Variants in SPTBN1 observed in about 807,000 individuals in gnomAD.
SPTBN1 encodes the protein spectrin beta, non-erythrocytic 1.
A neutral mutation model predicts 266.4 loss-of-function variants in SPTBN1; 32 were observed. The observed-to-expected ratio is 0.12, with a 90% CI of 0.09 to 0.16. The LOEUF is 0.16. SPTBN1 is among the 10% of genes least tolerant of loss of function. SPTBN1 has a pLI of 1.00. For synonymous variants in SPTBN1, 1,336 were observed against 1,162.2 expected, an observed-to-expected ratio of 1.15 and a Z score of -3.04; for missense variants, 2,296 against 3,067.1, an observed-to-expected ratio of 0.75 and a Z score of 5.94.
intron 1 of SPTBN1, among the ~76,000 whole-genome samples, chr2:54,460,711 G>A (rs1223346725): frequency 2.0e-5 from 3 of 152,258 alleles, no homozygotes; most frequent in Middle Eastern, 3.4e-3. Flanking sequence ...TTAAAGAATC[G>A]TAAACCAGCT....
In SPTBN1 at chr2:54,643,102, C is replaced by T; in HGVS notation, c.3978C>T (p.Asn1326=). The T allele has an allele frequency of 6.2e-7, 1 of 1,614,118 alleles. No individual in the cohort carries two copies. Among genetic ancestry groups the T allele is most frequent in the Middle Eastern group, 1.7e-4 (1 of 6,060 alleles). ...HQAFMAELAS[N]KEWLDKIEKE... ...CATTTATGGCAGAACTTGCATCCAACAAAGAATGGCTTGACAAAATCGAGA... is the reference window on the plus strand; with the variant it reads ...CATTTATGGCAGAACTTGCATCCAATAAAGAATGGCTTGACAAAATCGAGA... The change falls in exon 19 of 36, where the codon AAC becomes AAT. Residue 1326 remains asparagine (N), a synonymous_variant. Coordinates refer to ENST00000356805, the MANE Select transcript of SPTBN1 (RefSeq NM_003128.3).
chr2:54,590,112 G>A (rs1675568008), intron 2 of SPTBN1, among the ~76,000 whole-genome samples: 1 of 152,176 alleles, frequency 6.6e-6, no homozygotes, highest in Non-Finnish European at 1.5e-5. Context: ...ATTGCCCAAA[G>A]ATAAAACAAG....
intron 1 of SPTBN1, among the ~76,000 whole-genome samples, chr2:54,483,242 T>C (rs1484308132): frequency 6.6e-6 from 1 of 152,176 alleles, no homozygotes; most frequent in Admixed American, 6.5e-5. Context: ...CTAGCACATA[T>C]TTCCCGTGAA....
intron 2 of SPTBN1, among the ~76,000 whole-genome samples, chr2:54,560,427 G>C (rs1673219875): frequency 6.6e-6 from 1 of 152,124 alleles, no homozygotes; most frequent in Non-Finnish European, 1.5e-5. Context: ...TGCACCCCTA[G>C]GCCCACCCAT....
chr2:54,569,665 G>T (rs966250318), intron 2 of SPTBN1, among the ~76,000 whole-genome samples: 16 of 152,150 alleles, frequency 1.1e-4, no homozygotes, highest in South Asian at 4.1e-4. Flanking sequence ...TTACTTACCA[G>T]TCTGAGAGCC....
chr2:54,528,591 A>G (rs991371914), intron 2 of SPTBN1: 11 of 152,236 alleles, frequency 7.2e-5, no homozygotes, highest in African/African-American at 2.7e-4. Context: ...ATAGATGATA[A>G]AACAGGTTCC....
chr2:54,590,504 T>G (rs575514055), intron 2 of SPTBN1, among the ~76,000 whole-genome samples: 1 of 152,342 alleles, frequency 6.6e-6, no homozygotes, highest in Admixed American at 6.5e-5. Context: ...CTGAGCCAAC[T>G]GCAAGTTAAT....
At chr2:54,528,039 T>G (rs1223977575) in intron 2 of SPTBN1, 1 of 152,636 alleles carries the variant, frequency 6.6e-6, no homozygotes, top group Admixed American at 6.5e-5. Context: ...TGGTGTTGAT[T>G]TAAAGATCTT....
In SPTBN1 at chr2:54,649,246, G is replaced by A. The variant is rs1258708465; in HGVS notation, c.5202+56G>A. 2.0e-6 allele frequency: 3 copies of A among 1,523,938 alleles called. No homozygotes were observed. Among genetic ancestry groups the A allele is most frequent in the African/African-American group, 1.4e-5 (1 of 72,942 alleles). 94.4% of individuals were successfully genotyped at this position (1,523,938 alleles called of 1,614,324 possible). ...TGTGCAGTAAGCGATGGTGTGGAAG[G>A]CCATTTGCATTCCTTGTCTGTGAGC... On this transcript the variant is annotated intron_variant, in intron 25 of 35. Transcript: ENST00000356805. This position sits in a 1 kb window ranked among gnomAD's most constrained non-coding sequence, Gnocchi z 6.7.
intron 1 of SPTBN1, among the ~76,000 whole-genome samples, chr2:54,508,563 A>G (rs6717816): frequency 0.44 from 67,541 of 151,910 alleles, 15,447 homozygotes; most frequent in Admixed American, 0.5. Flanking sequence ...TGCAACCTAC[A>G]TGGAAGAGGT....
intron 26 of SPTBN1, among the ~76,000 whole-genome samples, 166 bp downstream of exon 26, chr2:54,650,155 C>G (rs187202175): frequency 3.3e-5 from 5 of 152,224 alleles, no homozygotes; most frequent in Admixed American, 1.3e-4. Context: ...GAGAACTTAT[C>G]AGTCCATAAA....
intron 15 of SPTBN1, among the ~76,000 whole-genome samples, chr2:54,630,304 G>A (rs1025802954): frequency 1.3e-5 from 2 of 152,222 alleles, no homozygotes; most frequent in African/African-American, 2.4e-5. Context: ...CCTGTGTCCA[G>A]TGTAGAAGGT....
Position 54,624,654 on chromosome 2 carries a change from G to A in SPTBN1, c.1183-150G>A, listed in dbSNP as rs1678210884. The A allele has an allele frequency of 3.4e-6, 4 of 1,191,730 alleles. No individual in the cohort carries two copies. In the Middle Eastern group the frequency reaches 8.6e-4, roughly 256 times the overall value. 73.8% of individuals were successfully genotyped at this position (1,191,730 alleles called of 1,614,324 possible). A position where few individuals can be genotyped will look rare whatever the true frequency, so the allele number is the denominator to read the frequency against. On this transcript the variant is annotated intron_variant, in intron 10 of 35. Transcript: ENST00000356805. The stretch of plus-strand genomic sequence containing the variant: ...AGAAAAACCCGTTTTTTTCCTCAAG[G>A]CTTGAGAGTCAGTGAGAGTGGGAAT...
At chr2:54,562,696 TTGTGTGTGTGTGTGTGTGTGTGTG>T (rs55947327) in intron 2 of SPTBN1, among the ~76,000 whole-genome samples, 286 of 122,626 alleles carry the variant, frequency 2.3e-3, no homozygotes, top group African/African-American at 6.3e-3. Context: ...AAACCCTGCT[TTGTGTGTGTGTGTGTGTGTGTGTG>T]TGTGTGTGTG....
chr2:54,535,415 C>A (rs997255894), intron 2 of SPTBN1, among the ~76,000 whole-genome samples: 5 of 152,200 alleles, frequency 3.3e-5, no homozygotes, highest in African/African-American at 1.2e-4. Context: ...TCCTTTCCCC[C>A]AGCCCCAGGC....
chr2:54,633,934 A>T (rs1206852263), intron 17 of SPTBN1, among the ~76,000 whole-genome samples: 1 of 152,166 alleles, frequency 6.6e-6, no homozygotes, highest in Non-Finnish European at 1.5e-5. Context: ...ATAGAGAATA[A>T]CTTATGTTAA....
chr2:54,470,972 T>G (rs1465694865), intron 1 of SPTBN1, among the ~76,000 whole-genome samples: 2 of 152,274 alleles, frequency 1.3e-5, no homozygotes, highest in African/African-American at 2.4e-5. Flanking sequence ...TTATAGCTCA[T>G]TAGCTATCAT....
At chr2:54,508,549 G>C (rs1669699147) in intron 1 of SPTBN1, among the ~76,000 whole-genome samples, 1 of 152,100 alleles carries the variant, frequency 6.6e-6, no homozygotes. Flanking sequence ...GCGGGCTAGC[G>C]GCTTGCAACC....
In SPTBN1 at chr2:54,648,711, A is replaced by C. The variant is rs148555347; in HGVS notation, c.4998-275A>C. Among the ~76,000 whole-genome samples the C allele has an allele frequency of 1.4e-3, 212 of 152,352 alleles. 2 individuals are homozygous for C. Among genetic ancestry groups the C allele is most frequent in the African/African-American group, 4.9e-3 (205 of 41,588 alleles). On this transcript the variant is annotated intron_variant, in intron 24 of 35. Coordinates refer to ENST00000356805, the MANE Select transcript of SPTBN1 (RefSeq NM_003128.3). The stretch of plus-strand genomic sequence containing the variant: ...TTCTCCTGCCCCCACTATTCACTGC[A>C]GCAGAATGAGGCACTACCCATCCCT...
Sources: gnomAD v4.1 joint callset for allele counts (sites outside exome capture counted in the v4.1 genomes callset) on GRCh38, gnomAD v4.1.1 for gene constraint, Gnocchi (gnomAD v3.1) non-coding constraint, MANE v1.5 for transcripts, NCBI Gene and HGNC (gene_info 2026-07-23, HGNC 2026-07-21) for gene names.